MAML3: variants seen among roughly 807,000 people sequenced by gnomAD.
MAML3 encodes the protein mastermind like transcriptional coactivator 3.
MAML3 carries 27 observed loss-of-function variants against 101.9 expected under a neutral mutation model. That is an observed-to-expected ratio of 0.27 (90% CI 0.20 to 0.37). MAML3 has a LOEUF of 0.37. Ranked by LOEUF, MAML3 falls within the 10% of genes least tolerant of loss-of-function variation. The probability of loss-of-function intolerance (pLI) is 1.00; values close to 1 mark genes in which losing one functional copy is unlikely to be tolerated. For synonymous variants in MAML3, 501 were observed against 555.9 expected (o/e 0.90, Z 1.39); for missense variants, 1,316 against 1,444.9 (o/e 0.91, Z 1.45).
At chr4:140,049,311 G>A (rs961839151) in intron 1 of MAML3, among the ~76,000 whole-genome samples, 1 of 152,196 alleles carries the variant, frequency 6.6e-6, no homozygotes, top group African/African-American at 2.4e-5. Context: ...ACCGGTCACA[G>A]ACAACGCTGT....
intron 2 of MAML3, among the ~76,000 whole-genome samples, chr4:139,833,292 C>A (rs1731202403): frequency 2.6e-5 from 4 of 152,212 alleles, no homozygotes; most frequent in South Asian, 4.1e-4. Flanking sequence ...GCGCCTAGAG[C>A]AGTCGGCAGG....
chr4:139,894,354 C>A (rs1732562673), intron 1 of MAML3, among the ~76,000 whole-genome samples: 1 of 151,956 alleles, frequency 6.6e-6, no homozygotes, highest in Non-Finnish European at 1.5e-5. Context: ...ACTAAAAATA[C>A]AAAATTTTGC....
At chr4:139,726,920 G>A (rs1411634391) in intron 3 of MAML3, among the ~76,000 whole-genome samples, 1 of 152,174 alleles carries the variant, frequency 6.6e-6, no homozygotes, top group Admixed American at 6.5e-5. Context: ...TAGGTCTGCC[G>A]TCAAGTAGCT....
chr4:139,827,019 C>T (rs1731073269), intron 2 of MAML3, among the ~76,000 whole-genome samples: 1 of 152,030 alleles, frequency 6.6e-6, no homozygotes, highest in Non-Finnish European at 1.5e-5. Context: ...TGAGTAACGA[C>T]CATTCAGAAA....
chr4:139,960,221 G>A (rs1733987056), intron 1 of MAML3, among the ~76,000 whole-genome samples: 1 of 152,198 alleles, frequency 6.6e-6, no homozygotes, highest in African/African-American at 2.4e-5. Flanking sequence ...TAAGAATCTT[G>A]CTTGGATCAT....
chr4:139,887,352 G>T (rs1297153618), intron 2 of MAML3, among the ~76,000 whole-genome samples: 1 of 152,200 alleles, frequency 6.6e-6, no homozygotes, highest in Non-Finnish European at 1.5e-5. Context: ...TTCTAATGAG[G>T]ACTCACAAAA....
intron 1 of MAML3, among the ~76,000 whole-genome samples, chr4:139,979,317 C>T (rs1734402767): frequency 6.6e-6 from 1 of 152,194 alleles, no homozygotes; most frequent in Non-Finnish European, 1.5e-5. Flanking sequence ...AGCTCTTTTA[C>T]ATGGCATTCA....
At chr4:139,827,719 T>C (rs1007059147) in intron 2 of MAML3, among the ~76,000 whole-genome samples, 1 of 152,242 alleles carries the variant, frequency 6.6e-6, no homozygotes, top group Non-Finnish European at 1.5e-5. Context: ...ATGTGCCTAT[T>C]TCCAAAATGT....
intron 2 of MAML3, among the ~76,000 whole-genome samples, chr4:139,771,484 T>C (rs888311427): frequency 3.9e-5 from 6 of 152,238 alleles, no homozygotes; most frequent in Non-Finnish European, 8.8e-5. Context: ...AAAGCTCCTA[T>C]ACTTTTCTCT....
chr4:139,902,263 G>GCGCACACA (rs1182551411), intron 1 of MAML3, among the ~76,000 whole-genome samples: 8 of 63,946 alleles, frequency 1.3e-4, no homozygotes, highest in African/African-American at 2.4e-4. Context: ...GCACACACAC[G>GCGCACACA]CACACACACA....
chr4:139,889,926 GCT>G lies in MAML3; in HGVS notation c.1508_1509del (p.Gln503ProfsTer23). 1 of 1,534,972 alleles carries G rather than the reference GCT, an allele frequency of 6.5e-7. No individual in the cohort carries two copies. Among genetic ancestry groups the G allele is most frequent in the Non-Finnish European group, 8.9e-7 (1 of 1,123,184 alleles). On this transcript the variant is annotated frameshift_variant, in exon 2 of 5. Transcript: ENST00000509479. LOFTEE classifies it high-confidence loss of function. Reference sequence around the variant, plus strand: ...GAGTGCTGTTGCTGCTGCTGCTGCTGCTGCTGCTGCTGCTGCTGCTGCTGCTG... The same window carrying G: ...GAGTGCTGTTGCTGCTGCTGCTGCTGGCTGCTGCTGCTGCTGCTGCTGCTG... ...QQQQQQQQQQ[Q>X]QQQQQQQHSN...
intron 2 of MAML3, among the ~76,000 whole-genome samples, chr4:139,843,312 G>A (rs1731394127): frequency 6.6e-6 from 1 of 152,142 alleles, no homozygotes; most frequent in Non-Finnish European, 1.5e-5. Flanking sequence ...TTTGCCCAAA[G>A]CTGAGTACAT....
chr4:139,802,205 A>C (rs183917211), intron 2 of MAML3, among the ~76,000 whole-genome samples: 6 of 152,164 alleles, frequency 3.9e-5, no homozygotes, highest in Non-Finnish European at 8.8e-5. Context: ...AAGATATCCT[A>C]TAACTGGGAC....
intron 2 of MAML3, among the ~76,000 whole-genome samples, chr4:139,743,309 G>C (rs534800095): frequency 6.6e-6 from 1 of 152,236 alleles, no homozygotes; most frequent in Non-Finnish European, 1.5e-5. Context: ...CTAACCTGCT[G>C]TTCAGGAGAC....
At chr4:139,783,763 G>A (rs1463782924) in intron 2 of MAML3, among the ~76,000 whole-genome samples, 2 of 152,192 alleles carry the variant, frequency 1.3e-5, no homozygotes, top group Non-Finnish European at 2.9e-5. Flanking sequence ...AAACCCCACT[G>A]CCACCGAGCA....
At chr4:139,872,232 G>C (rs1013231287) in intron 2 of MAML3, among the ~76,000 whole-genome samples, 5 of 152,142 alleles carry the variant, frequency 3.3e-5, no homozygotes, top group Non-Finnish European at 1.5e-5. Context: ...TTTTAATCCA[G>C]CTTTTAGTAG....
intron 1 of MAML3, among the ~76,000 whole-genome samples, chr4:139,973,449 C>T (rs1365683672): frequency 6.6e-6 from 1 of 152,122 alleles, no homozygotes; most frequent in Non-Finnish European, 1.5e-5. Context: ...ATTATTGATT[C>T]GTTTGGGCGG....
At chr4:139,793,129 G>A (rs1730449038) in intron 2 of MAML3, among the ~76,000 whole-genome samples, 1 of 152,038 alleles carries the variant, frequency 6.6e-6, no homozygotes, top group African/African-American at 2.4e-5. Flanking sequence ...CCAAAGAAAC[G>A]AAACACATTT....
chr4:140,116,282 T>C (rs1728517567), intron 1 of MAML3, among the ~76,000 whole-genome samples: 1 of 152,200 alleles, frequency 6.6e-6, no homozygotes. Context: ...TTCTGAATTC[T>C]TTACCTTTTT....
Sources: gnomAD v4.1 joint callset for allele counts (sites outside exome capture counted in the v4.1 genomes callset) on GRCh38, gnomAD v4.1.1 for gene constraint, MANE v1.5 for transcripts, NCBI Gene and HGNC (gene_info 2026-07-23, HGNC 2026-07-21) for gene names.